The following NEK11 variants were observed in gnomAD, a reference collection of about 807,000 sequenced individuals.
NEK11 encodes the protein serine/threonine-protein kinase Nek11.
In NEK11, 72 loss-of-function variants were observed where a neutral mutation model predicts 80.7. That is an observed-to-expected ratio of 0.89 (90% CI 0.74 to 1.08). The LOEUF (loss-of-function observed/expected upper bound fraction) is 1.08, where lower values mean the gene tolerates loss of function less well. Among genes scored for constraint, NEK11 ranks in the 50% least tolerant of loss-of-function variants. The pLI, the probability that NEK11 is intolerant of heterozygous loss-of-function variation, is 0.00. For synonymous variants in NEK11, 251 were observed against 260.7 expected, an observed-to-expected ratio of 0.96 and a Z score of 0.36; for missense variants, 764 against 763.6, an observed-to-expected ratio of 1.00 and a Z score of -0.01.
intron 17 of NEK11, among the ~76,000 whole-genome samples, chr3:131,347,257 C>T (rs895147637): frequency 2.0e-5 from 3 of 152,118 alleles, no homozygotes; most frequent in Non-Finnish European, 2.9e-5. Flanking sequence ...TGAAAGGCTA[C>T]GAAAAACCTG....
At chr3:131,167,300 G>A (rs758090827) in intron 12 of NEK11, among the ~76,000 whole-genome samples, 3 of 152,168 alleles carry the variant, frequency 2.0e-5, no homozygotes, top group Non-Finnish European at 4.4e-5. Context: ...AGGGATCACT[G>A]ATTCTAAGGG....
chr3:131,124,375 G>GA (rs951105358), intron 5 of NEK11, among the ~76,000 whole-genome samples: 35 of 152,326 alleles, frequency 2.3e-4, no homozygotes, highest in African/African-American at 8.2e-4. Context: ...GTCCAGCAGA[G>GA]ATGCAAATAA....
chr3:131,311,143 T>C (rs2096778521), intron 17 of NEK11, among the ~76,000 whole-genome samples: 1 of 152,172 alleles, frequency 6.6e-6, no homozygotes, highest in Non-Finnish European at 1.5e-5. Flanking sequence ...ATGCATAATA[T>C]TTATACATAT....
At chr3:131,030,265 C>T (rs2064617978) in intron 3 of NEK11, among the ~76,000 whole-genome samples, 1 of 151,918 alleles carries the variant, frequency 6.6e-6, no homozygotes, top group Non-Finnish European at 1.5e-5. Context: ...GAGTAATGTC[C>T]ACTTTGCTCT....
intron 14 of NEK11, among the ~76,000 whole-genome samples, chr3:131,218,901 T>C (rs1204922198): frequency 1.3e-5 from 2 of 152,210 alleles, no homozygotes; most frequent in African/African-American, 2.4e-5. Flanking sequence ...ATAGGGTTGC[T>C]GGAGAGGATG....
intron 17 of NEK11, among the ~76,000 whole-genome samples, chr3:131,336,279 A>C (rs1169623599): frequency 6.6e-6 from 1 of 152,244 alleles, no homozygotes; most frequent in Non-Finnish European, 1.5e-5. Context: ...GATATAGATC[A>C]ATGGAACAGA....
At chr3:131,093,932 C>T (rs1054203152) in intron 4 of NEK11, among the ~76,000 whole-genome samples, 1 of 150,224 alleles carries the variant, frequency 6.7e-6, no homozygotes, top group Admixed American at 6.7e-5. Context: ...ACAAAGATTT[C>T]ATAGTGACAG....
At chr3:131,141,577 G>A (rs1366249971) in intron 7 of NEK11, among the ~76,000 whole-genome samples, 4 of 152,178 alleles carry the variant, frequency 2.6e-5, no homozygotes, top group Non-Finnish European at 5.9e-5. Flanking sequence ...TATGTTAAAG[G>A]TGTTTATTTA....
At chr3:131,313,087 T>A (rs2096797701) in intron 17 of NEK11, among the ~76,000 whole-genome samples, 1 of 152,198 alleles carries the variant, frequency 6.6e-6, no homozygotes, top group Non-Finnish European at 1.5e-5. Flanking sequence ...TTTGGTTTTC[T>A]ATTACTGTGT....
intron 17 of NEK11, among the ~76,000 whole-genome samples, chr3:131,331,050 T>A (rs542052282): frequency 7.2e-5 from 11 of 152,294 alleles, no homozygotes; most frequent in African/African-American, 2.6e-4. Flanking sequence ...TTCTTACAGG[T>A]CCCACCTCTT....
intron 3 of NEK11, among the ~76,000 whole-genome samples, chr3:131,034,601 G>A (rs1167101125): frequency 5.3e-5 from 8 of 152,212 alleles, no homozygotes; most frequent in South Asian, 2.1e-4. Context: ...GGGTTTCACC[G>A]TGGTCTCGAT....
chr3:131,245,305 G>GTGTGTGTGTGTT (rs1192328506), intron 16 of NEK11, among the ~76,000 whole-genome samples: 117 of 147,898 alleles, frequency 7.9e-4, no homozygotes, highest in East Asian at 1.6e-3. Context: ...ATTCCATTGT[G>GTGTGTGTGTGTT]TGTGTGTGTG....
chr3:131,229,542 T>C (rs928348813), intron 15 of NEK11, among the ~76,000 whole-genome samples: 4 of 152,136 alleles, frequency 2.6e-5, no homozygotes, highest in African/African-American at 9.7e-5. Context: ...GAGATGATTT[T>C]TGGAGTGAAG....
intron 14 of NEK11, among the ~76,000 whole-genome samples, chr3:131,225,144 T>G (rs1333718654): frequency 6.6e-6 from 1 of 152,214 alleles, no homozygotes; most frequent in African/African-American, 2.4e-5. Flanking sequence ...GTAACAGCCC[T>G]GTACAGATGT....
intron 14 of NEK11, among the ~76,000 whole-genome samples, chr3:131,186,455 G>A (rs930690590): frequency 6.6e-6 from 1 of 152,116 alleles, no homozygotes; most frequent in African/African-American, 2.4e-5. Context: ...TGTAGGGAGA[G>A]TGCAGCAAAC....
intron 16 of NEK11, among the ~76,000 whole-genome samples, chr3:131,264,221 G>A (rs918759997): frequency 1.3e-5 from 2 of 152,156 alleles, no homozygotes; most frequent in Non-Finnish European, 1.5e-5. Context: ...AGTTTAATTA[G>A]ATCCCATTTG....
At chr3:131,092,228 G>C (rs1360578701) in intron 4 of NEK11, among the ~76,000 whole-genome samples, 1 of 152,160 alleles carries the variant, frequency 6.6e-6, no homozygotes, top group Non-Finnish European at 1.5e-5. Flanking sequence ...CTAGTTGAAT[G>C]ATTCCTTATG....
chr3:131,286,804 G>T (rs915521119), intron 17 of NEK11, among the ~76,000 whole-genome samples: 4 of 152,116 alleles, frequency 2.6e-5, no homozygotes, highest in African/African-American at 9.7e-5. Context: ...ATGGTATGAA[G>T]ATATTGACAA....
chr3:131,330,157 G>T (rs1036801388), intron 17 of NEK11: 11 of 152,198 alleles, frequency 7.2e-5, no homozygotes, highest in Admixed American at 6.5e-4. Flanking sequence ...AAAGGAACTG[G>T]ACTACTAGAA....
Sources: allele counts gnomAD v4.1 joint callset (sites outside exome capture counted in the v4.1 genomes callset), GRCh38; gene constraint gnomAD v4.1.1; transcripts MANE v1.5; gene names NCBI Gene and HGNC (gene_info 2026-07-23, HGNC 2026-07-21).